NINL: variants seen among roughly 807,000 people sequenced by gnomAD.
NINL encodes ninein-like protein.
NINL carries 153 observed loss-of-function variants against 160.3 expected under a neutral mutation model. The observed-to-expected ratio is 0.95, with a 90% CI of 0.84 to 1.09. NINL has a LOEUF of 1.09. Among genes scored for constraint, NINL ranks in the 50% least tolerant of loss-of-function variants. NINL has a pLI of 0.00. For missense variants in NINL, 1,829 were observed against 1,764.0 expected (o/e 1.04, Z -0.66); for synonymous variants, 800 against 734.8 (o/e 1.09, Z -1.43).
At chr20:25,455,817 G>C (rs201266707) in intron 22 of NINL, 31 bp from the exon 23 acceptor site, 1 of 1,575,004 alleles carries the variant, frequency 6.3e-7, no homozygotes, top group East Asian at 2.2e-5. Context: ...AGGTGGCCGG[G>C]CATGGTGGCT....
At position 25,556,458 on chromosome 20, in the gene NINL, T is replaced by C. The variant is rs114085277; in HGVS notation, c.-12+28997A>G. On this transcript the variant is annotated intron_variant, in intron 1 of 23. Coordinates refer to ENST00000278886, the MANE Select transcript of NINL (RefSeq NM_025176.6). ...GGGTAACATAATGAAACCCTGTCTC[T>C]AAAGAAAAATACAAAAATTAGCTGG... 7.1e-3 allele frequency among the ~76,000 whole-genome samples: 1,082 copies of C among 151,902 alleles called. 10 individuals carry two copies. The highest frequency in any genetic ancestry group is 0.024 in the African/African-American group (977 of 41,418).
chr20:25,454,234 T>C (rs2090610718), intron 23 of NINL, among the ~76,000 whole-genome samples: 1 of 152,106 alleles, frequency 6.6e-6, no homozygotes, highest in Non-Finnish European at 1.5e-5. Flanking sequence ...CCTGGGACGG[T>C]CAGAGTGTGG....
chr20:25,550,044 T>C (rs2064787851), intron 1 of NINL, among the ~76,000 whole-genome samples: 1 of 152,152 alleles, frequency 6.6e-6, no homozygotes, highest in Non-Finnish European at 1.5e-5. Flanking sequence ...CAAAAGGAAT[T>C]TGTCTCTCTT....
intron 2 of NINL, among the ~76,000 whole-genome samples, chr20:25,518,391 C>A (rs944919018): frequency 6.6e-6 from 1 of 152,074 alleles, no homozygotes; most frequent in South Asian, 2.1e-4. Context: ...TTGGCACATT[C>A]CCTTGGTGAA....
intron 23 of NINL, among the ~76,000 whole-genome samples, chr20:25,454,260 G>A (rs150415580): frequency 1.2e-4 from 18 of 152,304 alleles, no homozygotes; most frequent in East Asian, 3.9e-4. Flanking sequence ...GTTCATCTGC[G>A]TATGCGCTAC....
rs755375570 is a variant in NINL, at chr20:25,496,704, G to C, written c.1269C>G (p.Asp423Glu). 1.2e-6 allele frequency: 2 copies of C among 1,614,134 alleles called. No homozygotes were observed. Among genetic ancestry groups the C allele is most frequent in the South Asian group, 2.2e-5 (2 of 91,082 alleles). Residue 423 changes from aspartate (D) to glutamate (E), a missense_variant, in exon 10 of 24, where the codon GAC becomes GAG. Transcript: ENST00000278886. ...TGAGCTGCTCCAGGGTGGAGTGGCA[G>C]TCGTCCATCTCTTTCACAAACTCCA... ...RNLEFVKEMD[D>E]CHSTLEQLTE...
chr20:25,477,776 G>C (rs1238732211), intron 16 of NINL, among the ~76,000 whole-genome samples: 1 of 152,182 alleles, frequency 6.6e-6, no homozygotes, highest in Non-Finnish European at 1.5e-5. Context: ...GTGCACAAGG[G>C]CCTGGATGCT....
chr20:25,519,514 T>C (rs1386388908), intron 2 of NINL, among the ~76,000 whole-genome samples: 3 of 152,242 alleles, frequency 2.0e-5, no homozygotes, highest in South Asian at 4.1e-4. Context: ...TTATTTTACA[T>C]TAATTCTTTT....
intron 10 of NINL, among the ~76,000 whole-genome samples, chr20:25,495,381 G>A (rs555721328): frequency 1.3e-5 from 2 of 152,318 alleles, no homozygotes; most frequent in African/African-American, 4.8e-5. Flanking sequence ...GCTCCATCGC[G>A]CATAGCTCTT....
chr20:25,549,743 C>T (rs886287029), intron 1 of NINL, among the ~76,000 whole-genome samples: 4 of 152,118 alleles, frequency 2.6e-5, no homozygotes, highest in Admixed American at 6.6e-5. Context: ...TCTCCAGACA[C>T]GCCCATTCAG....
chr20:25,480,016 T>C, intron 15 of NINL, 145 bp downstream of exon 15: 1 of 645,064 alleles, frequency 1.6e-6, no homozygotes, highest in Non-Finnish European at 2.8e-6. Context: ...TGCATTTCTC[T>C]ACAAACTTTC....
chr20:25,524,723 C>A (rs1405538041), intron 2 of NINL, among the ~76,000 whole-genome samples: 1 of 152,122 alleles, frequency 6.6e-6, no homozygotes, highest in African/African-American at 2.4e-5. Flanking sequence ...TGTCTTGTAT[C>A]ATTCCTGTAA....
Position 25,476,708 on chromosome 20 carries a change from C to T in NINL, c.2583G>A (p.Leu861=), listed in dbSNP as rs1399603690. ...CAGACTCTCTGCCATCACCTGGGGC[C>T]AGCCAGGCCAGTGGCCGCTCCCCAC... ...PGCGERPLAW[L]APGDGRESEE... Residue 861 remains leucine, a synonymous_variant, in exon 17 of 24, where the codon CTG becomes CTA. Transcript: ENST00000278886. The T allele has an allele frequency of 6.3e-7, 1 of 1,597,992 alleles. No individual in the cohort carries two copies. Among genetic ancestry groups the T allele is most frequent in the African/African-American group, 1.3e-5 (1 of 74,888 alleles).
intron 5 of NINL, among the ~76,000 whole-genome samples, chr20:25,505,927 T>C (rs904675020): frequency 6.6e-6 from 1 of 152,262 alleles, no homozygotes; most frequent in Admixed American, 6.5e-5. Context: ...GGGAAAATTC[T>C]TTCTGAAGAG....
intron 8 of NINL, among the ~76,000 whole-genome samples, chr20:25,498,597 C>T (rs189822041): frequency 7.1e-4 from 108 of 152,320 alleles, no homozygotes; most frequent in South Asian, 1.9e-3. Context: ...TAGACAGAAC[C>T]CCTCTTCCTG....
At chr20:25,507,224 CAA>C (rs371134207) in intron 5 of NINL, among the ~76,000 whole-genome samples, 4 of 149,410 alleles carry the variant, frequency 2.7e-5, no homozygotes, top group Non-Finnish European at 5.9e-5. Flanking sequence ...GAGTTAGCAT[CAA>C]AGTCTAGTTT....
intron 1 of NINL, among the ~76,000 whole-genome samples, chr20:25,582,219 C>T (rs1362902054): frequency 2.0e-5 from 3 of 152,222 alleles, no homozygotes; most frequent in African/African-American, 7.2e-5. Context: ...CGCGCCACTG[C>T]ACTCCAGCCT....
At chr20:25,505,495 G>A (rs1032034442) in intron 5 of NINL, among the ~76,000 whole-genome samples, 4 of 152,200 alleles carry the variant, frequency 2.6e-5, no homozygotes, top group Non-Finnish European at 4.4e-5. Flanking sequence ...AGGTGAGATG[G>A]ACGTGTTAAC....
chr20:25,470,616 G>A (rs868011549), intron 17 of NINL, among the ~76,000 whole-genome samples: 8 of 152,180 alleles, frequency 5.3e-5, no homozygotes, highest in African/African-American at 1.2e-4. Context: ...TGCCTGGGCC[G>A]TCTTTGTTCT....
Sources: gnomAD v4.1 joint callset for allele counts (sites outside exome capture counted in the v4.1 genomes callset) on GRCh38, gnomAD v4.1.1 for gene constraint, MANE v1.5 for transcripts, NCBI Gene and HGNC (gene_info 2026-07-23, HGNC 2026-07-21) for gene names.